The following BRD4 variants were observed in gnomAD, a reference collection of about 807,000 sequenced individuals.
BRD4 encodes bromodomain-containing protein 4.
BRD4 carries 16 observed loss-of-function variants against 142.1 expected under a neutral mutation model. That is an observed-to-expected ratio of 0.11 (90% CI 0.08 to 0.17). The LOEUF (loss-of-function observed/expected upper bound fraction) is 0.17, where lower values mean the gene tolerates loss of function less well. Ranked by LOEUF, BRD4 falls within the 10% of genes least tolerant of loss-of-function variation. The pLI is 1.00. For missense variants in BRD4, 1,424 were observed against 1,810.9 expected (o/e 0.79, Z 3.88); for synonymous variants, 833 against 707.5 (o/e 1.18, Z -2.82).
intron 11 of BRD4, chr19:15,253,497 T>C: frequency 1.4e-6 from 2 of 1,468,930 alleles, no homozygotes; most frequent in African/African-American, 2.8e-5. Flanking sequence ...AAGAAGGGAC[T>C]GTTAGTTAGA....
At chr19:15,278,926 C>G (rs2047679058) in intron 1 of BRD4, among the ~76,000 whole-genome samples, 1 of 152,136 alleles carries the variant, frequency 6.6e-6, no homozygotes, top group East Asian at 1.9e-4. Flanking sequence ...ACTGTAACCT[C>G]CGCCTCCCAG....
intron 1 of BRD4, chr19:15,280,431 A>G (rs202212664): frequency 1.6e-5 from 16 of 1,014,120 alleles, no homozygotes; most frequent in Non-Finnish European, 1.8e-5. Context: ...TCAGACTTCT[A>G]GCAGTAGTAT....
At chr19:15,274,055 C>G (rs1348943201) in intron 1 of BRD4, among the ~76,000 whole-genome samples, 1 of 152,184 alleles carries the variant, frequency 6.6e-6, no homozygotes, top group Admixed American at 6.5e-5. Flanking sequence ...GAATTTGCTA[C>G]ATAAAGCAAC....
At chr19:15,285,352 C>T (rs1250345104) in intron 1 of BRD4, among the ~76,000 whole-genome samples, 2 of 152,214 alleles carry the variant, frequency 1.3e-5, no homozygotes, top group African/African-American at 4.8e-5. Flanking sequence ...CAGGCCCAGC[C>T]TGGGCAACAT....
At chr19:15,252,559 G>A (rs2047359021) in intron 11 of BRD4, among the ~76,000 whole-genome samples, 2 of 152,234 alleles carry the variant, frequency 1.3e-5, no homozygotes, top group African/African-American at 4.8e-5. Context: ...CTGCGAGTGG[G>A]GGCCCTAGCT....
chr19:15,249,943 A>C (rs2047326757), intron 11 of BRD4, among the ~76,000 whole-genome samples: 2 of 152,156 alleles, frequency 1.3e-5, no homozygotes, highest in South Asian at 4.1e-4. Context: ...AAAAAAGAAA[A>C]AGAAACAGGC....
In BRD4 at chr19:15,264,752, C is replaced by T; in HGVS notation, c.864G>A (p.Val288=). Residue 288 remains valine, a synonymous_variant, in exon 6 of 20, where the codon GTG becomes GTA. Coordinates refer to ENST00000679869, the MANE Select transcript of BRD4 (RefSeq NM_001379291.1). ...GGGTGGTGGTGTCTGCTTTCCTCTT[C>T]ACTCCCTTCTTTGTCTGCCAAGAAC... ...TPQPVKTKKG[V]KRKADTTTPT... 6.2e-7 allele frequency: 1 copy of T among 1,604,040 alleles called. No individual in the cohort carries two copies. Among genetic ancestry groups the T allele is most frequent in the East Asian group, 2.2e-5 (1 of 44,644 alleles).
rs2145595683 is a variant in BRD4 at position 15,263,516 on chromosome 19, A to G, written c.1245T>C (p.Ala415=). The part of the protein sequence containing the change: ...SKLEAREYRD[A]QEFGADVRLM... ...ATCGGACGTCAGCACCAAACTCCTG[A>G]GCATCACGGTACTCACGGGCCTCCA... is the stretch of plus-strand genomic sequence containing the variant. Residue 415 remains alanine, a synonymous_variant, in exon 7 of 20, where the codon GCT becomes GCC. Transcript: ENST00000679869. The G allele has an allele frequency of 1.2e-6, 2 of 1,614,222 alleles. No individual in the cohort carries two copies. The highest frequency in any genetic ancestry group is 1.7e-6 in the Non-Finnish European group (2 of 1,180,038).
chr19:15,310,473 GCCTCAGCTT>G (rs1285543342), intron 1 of BRD4, among the ~76,000 whole-genome samples: 1 of 146,730 alleles, frequency 6.8e-6, no homozygotes, highest in Non-Finnish European at 1.5e-5. Flanking sequence ...CCATTCTCCT[GCCTCAGCTT>G]CCTCAGTAGC....
intron 1 of BRD4, among the ~76,000 whole-genome samples, chr19:15,306,379 C>T (rs1458351406): frequency 6.6e-6 from 1 of 152,160 alleles, no homozygotes; most frequent in Non-Finnish European, 1.5e-5. Context: ...AGCAATCCTC[C>T]CATCTCAGCC....
At chr19:15,253,881 G>T (rs548264741) in intron 11 of BRD4, 95 of 1,077,004 alleles carry the variant, frequency 8.8e-5, no homozygotes, top group Non-Finnish European at 1.2e-4. Flanking sequence ...GGGCTCCGCA[G>T]TGTCAACGCC....
intron 2 of BRD4, among the ~76,000 whole-genome samples, chr19:15,272,052 A>T (rs780652410): frequency 2.7e-5 from 4 of 148,404 alleles, no homozygotes; most frequent in Non-Finnish European, 5.9e-5. Context: ...AAAGACAATT[A>T]GTCTTTGGTG....
intron 1 of BRD4, among the ~76,000 whole-genome samples, chr19:15,277,175 G>A (rs1348517498): frequency 6.6e-6 from 1 of 152,202 alleles, no homozygotes; most frequent in Non-Finnish European, 1.5e-5. Context: ...GAAGGTCAAG[G>A]AAAAGGAAAA....
Position 15,238,547 on chromosome 19 carries a change from G to C in BRD4, c.4021-102C>G, listed in dbSNP as rs3746203. 1.9e-6 allele frequency: 3 copies of C among 1,582,132 alleles called. No individual in the cohort carries two copies. The highest frequency in any genetic ancestry group is 2.6e-6 in the Non-Finnish European group (3 of 1,164,754). On this transcript the variant is annotated intron_variant, in intron 19 of 19. Transcript: ENST00000679869. The surrounding 1 kb of genome is among the most constrained non-coding windows in gnomAD (Gnocchi z 7.2). The stretch of plus-strand genomic sequence containing the variant: ...AGCAGTCAGCCCCGTAGCCCTCCCC[G>C]TGGCTGACCCCTCATAGCGCTCACC...
chr19:15,242,906 A>C lies in BRD4; in HGVS notation c.3163T>G (p.Ser1055Ala), dbSNP rs1230889598. 3.1e-6 allele frequency: 5 copies of C among 1,593,612 alleles called. No individual in the cohort carries two copies. In the Admixed American group the frequency reaches 8.5e-5, roughly 27 times the overall value. Residue 1055 changes from serine to alanine, a missense_variant, in exon 14 of 20, where the codon TCA becomes GCA. Ser to Ala is a moderately conservative substitution (Grantham distance 99). Coordinates refer to ENST00000679869, the MANE Select transcript of BRD4 (RefSeq NM_001379291.1). The part of the protein sequence containing the change: ...SPRHHKSDPY[S>A]TGHLREAPSP... ...ACGGGTGAGGACCACTTACCGGTTG[A>C]GTAGGGGTCCGACTTGTGGTGCCGG...
intron 7 of BRD4, among the ~76,000 whole-genome samples, chr19:15,257,563 C>A (rs2047425329): frequency 6.6e-6 from 1 of 152,048 alleles, no homozygotes; most frequent in South Asian, 2.1e-4. Context: ...CAGATGCGTG[C>A]GGGGGAGCAG....
At chr19:15,322,881 A>G (rs1375879686) in intron 1 of BRD4, among the ~76,000 whole-genome samples, 1 of 146,014 alleles carries the variant, frequency 6.8e-6, no homozygotes, top group Non-Finnish European at 1.5e-5. Flanking sequence ...AAAAAAAAAA[A>G]AAAGAAAAGA....
rs549332236 is a variant in BRD4 at position 15,239,491 on chromosome 19, C to T, written c.3477G>A (p.Arg1159=). 1 of 1,613,940 alleles carries T rather than the reference C, an allele frequency of 6.2e-7. No individual in the cohort carries two copies. Among genetic ancestry groups the T allele is most frequent in the Admixed American group, 1.7e-5 (1 of 60,008 alleles). ...RPEMKPVDVG[R]PVIRPPEQNA... ...TCTGCTCTGGGGGCCGGATCACAGG[C>T]CTCCCGACATCCACAGGCTTCATTT... Residue 1159 remains arginine, a synonymous_variant, in exon 17 of 20, where the codon AGG becomes AGA. Transcript: ENST00000679869. The surrounding 1 kb of genome is among the most constrained non-coding windows in gnomAD (Gnocchi z 7.4).
Position 15,237,831 on chromosome 19 carries a change from G to C in BRD4, c.*546C>G. On this transcript the variant is annotated 3_prime_UTR_variant, in exon 20 of 20. Transcript: ENST00000679869. ...CTCTCAATTAAAGGCTTGTGGGGGA[G>C]GGTCGGGGGGTCTGTTCAAGGCAAA... 1 of 234,310 alleles carries C rather than the reference G, an allele frequency of 4.3e-6. No homozygotes were observed. The highest frequency in any genetic ancestry group is 8.4e-6 in the Non-Finnish European group (1 of 118,896). The allele number at this position is 234,310 out of a possible 1,614,324, so 14.5% of individuals were successfully genotyped here.
Sources: gnomAD v4.1 joint callset for allele counts (sites outside exome capture counted in the v4.1 genomes callset) on GRCh38, gnomAD v4.1.1 for gene constraint, Gnocchi (gnomAD v3.1) non-coding constraint, MANE v1.5 for transcripts, NCBI Gene and HGNC (gene_info 2026-07-23, HGNC 2026-07-21) for gene names.